Variants in PRKCB observed in about 807,000 individuals in gnomAD.
PRKCB encodes protein kinase C beta type.
A neutral mutation model predicts 81.5 loss-of-function variants in PRKCB; 13 were observed. That is an observed-to-expected ratio of 0.16 (90% CI 0.10 to 0.25). The LOEUF (loss-of-function observed/expected upper bound fraction) is 0.25. Ranked by LOEUF, PRKCB falls within the 10% of genes least tolerant of loss-of-function variation. The pLI, the probability that PRKCB is intolerant of heterozygous loss-of-function variation, is 1.00. For missense variants in PRKCB, 509 were observed against 875.7 expected, an observed-to-expected ratio of 0.58 and a Z score of 5.29; for synonymous variants, 335 against 321.4, an observed-to-expected ratio of 1.04 and a Z score of -0.45.
intron 2 of PRKCB, among the ~76,000 whole-genome samples, chr16:23,895,146 A>T (rs1022249791): frequency 6.6e-6 from 1 of 152,076 alleles, no homozygotes; most frequent in Non-Finnish European, 1.5e-5. Context: ...ATGTTTTTTT[A>T]AGAATAAGCA....
intron 12 of PRKCB, among the ~76,000 whole-genome samples, chr16:24,177,635 T>C (rs1967555656): frequency 6.6e-6 from 1 of 152,132 alleles, no homozygotes; most frequent in African/African-American, 2.4e-5. Flanking sequence ...AGAGTGACCA[T>C]AGTAATTATC....
chr16:24,073,472 C>G (rs1035423656), intron 5 of PRKCB, among the ~76,000 whole-genome samples: 1 of 152,202 alleles, frequency 6.6e-6, no homozygotes, highest in Non-Finnish European at 1.5e-5. Flanking sequence ...ACTGGGACTA[C>G]AGGCGCATGC....
intron 2 of PRKCB, among the ~76,000 whole-genome samples, chr16:23,984,490 G>A (rs537272144): frequency 1.8e-3 from 280 of 152,168 alleles, no homozygotes; most frequent in South Asian, 4.6e-3. Flanking sequence ...AACAAAAAAA[G>A]TTAAAGTAGC....
intron 2 of PRKCB, among the ~76,000 whole-genome samples, chr16:23,984,931 AAG>A (rs980440604): frequency 2.0e-5 from 3 of 152,176 alleles, no homozygotes; most frequent in Admixed American, 1.3e-4. Flanking sequence ...ACAGGGGGAA[AAG>A]AGAGAATAAT....
chr16:23,857,660 A>G (rs181565229), intron 2 of PRKCB, among the ~76,000 whole-genome samples: 1 of 152,312 alleles, frequency 6.6e-6, no homozygotes, highest in East Asian at 1.9e-4. Context: ...AGTCCAAGAA[A>G]AAAATGAAAT....
At chr16:23,995,403 G>C (rs1480207768) in intron 3 of PRKCB, among the ~76,000 whole-genome samples, 1 of 152,216 alleles carries the variant, frequency 6.6e-6, no homozygotes, top group Non-Finnish European at 1.5e-5. Context: ...GGGATACTGT[G>C]TGGGGCCTTT....
chr16:23,928,483 G>A (rs1391491174), intron 2 of PRKCB, among the ~76,000 whole-genome samples: 4 of 152,094 alleles, frequency 2.6e-5, no homozygotes, highest in South Asian at 2.1e-4. Flanking sequence ...GCATGCAGTC[G>A]GGGACCCTCT....
chr16:23,976,534 A>G (rs1174557125), intron 2 of PRKCB, among the ~76,000 whole-genome samples: 1 of 152,170 alleles, frequency 6.6e-6, no homozygotes, highest in Non-Finnish European at 1.5e-5. Flanking sequence ...TAGCTGGCCC[A>G]CACAATCAGT....
intron 3 of PRKCB, among the ~76,000 whole-genome samples, chr16:24,016,411 C>G (rs1255227302): frequency 6.6e-6 from 1 of 151,886 alleles, no homozygotes; most frequent in South Asian, 2.1e-4. Flanking sequence ...TAAGATCACT[C>G]GTTGAAACAA....
intron 3 of PRKCB, among the ~76,000 whole-genome samples, chr16:24,028,757 A>G (rs1965514308): frequency 6.6e-6 from 1 of 151,994 alleles, no homozygotes; most frequent in Admixed American, 6.5e-5. Flanking sequence ...GTTTGGGGCT[A>G]TTATAAGTAA....
chr16:23,872,944 G>A (rs1482238084), intron 2 of PRKCB, among the ~76,000 whole-genome samples: 4 of 151,668 alleles, frequency 2.6e-5, no homozygotes, highest in Admixed American at 6.6e-5. Context: ...TTGGGAGGTC[G>A]AGGCGGGCAG....
At chr16:23,982,020 CCA>C (rs1964729970) in intron 2 of PRKCB, among the ~76,000 whole-genome samples, 1 of 48,462 alleles carries the variant, frequency 2.1e-5, no homozygotes, top group Non-Finnish European at 4.1e-5. Flanking sequence ...CCTTTCCCTT[CCA>C]CTTCCCTTTC....
At chr16:24,146,873 A>G (rs754113595) in intron 9 of PRKCB, among the ~76,000 whole-genome samples, 12 of 152,152 alleles carry the variant, frequency 7.9e-5, no homozygotes, top group Non-Finnish European at 1.2e-4. Context: ...CTATGTTGGT[A>G]TTAAAGTTTC....
chr16:24,215,563 C>T lies in PRKCB; in HGVS notation c.*747C>T. 2 of 985,644 alleles carry T rather than the reference C, an allele frequency of 2.0e-6. No homozygotes were observed. Among genetic ancestry groups the T allele is most frequent in the Non-Finnish European group, 2.4e-6 (2 of 829,874 alleles). 61.1% of individuals were successfully genotyped at this position (985,644 alleles called of 1,614,324 possible). A position where few individuals can be genotyped will look rare whatever the true frequency, so the allele number is the denominator to read the frequency against. ...ACAACACAGTCACTCTAGCAAGGCC[C>T]CCAAAGGGCCCTGGTTTTACATTAC... On this transcript the variant is annotated 3_prime_UTR_variant, in exon 17 of 17. Transcript: ENST00000643927.
At chr16:23,982,093 T>C (rs1964734581) in intron 2 of PRKCB, among the ~76,000 whole-genome samples, 1 of 56,578 alleles carries the variant, frequency 1.8e-5, no homozygotes, top group African/African-American at 8.0e-5. Context: ...CCCTTCCCTT[T>C]CCTTTTCCCT....
intron 5 of PRKCB, among the ~76,000 whole-genome samples, chr16:24,087,653 C>T (rs986622584): frequency 1.3e-5 from 2 of 152,052 alleles, no homozygotes; most frequent in South Asian, 2.1e-4. Context: ...AATGTGGGAT[C>T]GGGATATGAA....
At chr16:24,072,588 CTT>C (rs1200526403) in intron 5 of PRKCB, among the ~76,000 whole-genome samples, 2 of 143,914 alleles carry the variant, frequency 1.4e-5, no homozygotes, top group Admixed American at 1.4e-4. Flanking sequence ...CTCTCTCTCT[CTT>C]TTTTTTTTGA....
chr16:24,190,993 C>A (rs749480937), intron 15 of PRKCB, 97 bp from the exon 16 acceptor site: 2 of 1,383,396 alleles, frequency 1.4e-6, no homozygotes, highest in Non-Finnish European at 2.0e-6. Context: ...TCTTCATTTG[C>A]GCTTTCTTTC....
At chr16:23,951,152 G>A (rs1332927481) in intron 2 of PRKCB, among the ~76,000 whole-genome samples, 1 of 152,234 alleles carries the variant, frequency 6.6e-6, no homozygotes. Flanking sequence ...TGCAAAGCAC[G>A]TGGGAGGAAA....
Sources: allele counts gnomAD v4.1 joint callset (sites outside exome capture counted in the v4.1 genomes callset), GRCh38; gene constraint gnomAD v4.1.1; transcripts MANE v1.5; gene names NCBI Gene and HGNC (gene_info 2026-07-23, HGNC 2026-07-21).